PIN4: variants seen among roughly 807,000 people sequenced by gnomAD.
PIN4 encodes the protein peptidyl-prolyl cis-trans isomerase NIMA-interacting 4.
A neutral mutation model predicts 8.3 loss-of-function variants in PIN4; 3 were observed. The observed-to-expected ratio is 0.36, with a 90% CI of 0.16 to 0.93. PIN4 has a LOEUF of 0.93. Among genes scored for constraint, PIN4 ranks in the 40% least tolerant of loss-of-function variants. PIN4 has a pLI of 0.44. For missense variants in PIN4, 75 were observed against 100.6 expected (o/e 0.75, Z 1.09); for synonymous variants, 18 against 32.5 (o/e 0.55, Z 1.52).
At chrX:72,225,487 C>CA (rs2042948940) in intron 3 of PIN4, among the ~76,000 whole-genome samples, 1 of 112,144 alleles carries the variant, frequency 8.9e-6, no homozygotes. Context: ...TTAACCTCTC[C>CA]AAAAGTCTCA....
At chrX:72,226,334 T>C (rs1458791255) in intron 3 of PIN4, among the ~76,000 whole-genome samples, 1 of 112,161 alleles carries the variant, frequency 8.9e-6, no homozygotes, top group East Asian at 2.8e-4. Context: ...AGGGATATCA[T>C]GATGATACCC....
intron 3 of PIN4, chrX:72,239,167 G>A: frequency 2.7e-6 from 1 of 376,033 alleles, no homozygotes; most frequent in Non-Finnish European, 4.7e-6. Flanking sequence ...GGAAGCAGAA[G>A]GTGATCTCTG....
chrX:72,227,889 C>G (rs1288742354), intron 3 of PIN4, among the ~76,000 whole-genome samples: 3 of 112,740 alleles, frequency 2.7e-5, no homozygotes, highest in Admixed American at 9.4e-5. Context: ...ATAAAGAAAT[C>G]AATGTACTTT....
At chrX:72,187,321 C>T (rs1256256628) in intron 2 of PIN4, among the ~76,000 whole-genome samples, 1 of 111,650 alleles carries the variant, frequency 9.0e-6, no homozygotes, top group Non-Finnish European at 1.9e-5. Flanking sequence ...GGAGTATCTG[C>T]TGGGAGAAAA....
chrX:72,190,091 C>G (rs183790720), intron 2 of PIN4, among the ~76,000 whole-genome samples: 2 of 110,935 alleles, frequency 1.8e-5, no homozygotes, highest in Non-Finnish European at 3.8e-5. Context: ...TCACAGACCC[C>G]CAAGCCCTCA....
At chrX:72,220,094 T>C (rs1345768466) in intron 3 of PIN4, among the ~76,000 whole-genome samples, 2 of 110,727 alleles carry the variant, frequency 1.8e-5, no homozygotes, top group African/African-American at 3.3e-5. Flanking sequence ...TTTTGTCAAA[T>C]GTTTTTTTCT....
At chrX:72,241,431 A>T (rs1602457600) in intron 3 of PIN4, among the ~76,000 whole-genome samples, 1 of 112,048 alleles carries the variant, frequency 8.9e-6, no homozygotes, top group Non-Finnish European at 1.9e-5. Flanking sequence ...TCTTGGAAGC[A>T]GAGAGCAGCC....
In PIN4 at chrX:72,238,962, C is replaced by A. The variant is rs772617159; in HGVS notation, c.313-23745C>A. ...CCCGGCGGGAGTTTGGAGCTTGGAG[C>A]TTGGAGCTTGGAGCTTGGAGCTTAG... On this transcript the variant is annotated intron_variant, in intron 3 of 3. Transcript: ENST00000423432. 14 of 997,044 alleles carry A rather than the reference C, an allele frequency of 1.4e-5. No homozygotes were observed. In the Admixed American group the frequency reaches 3.1e-4, roughly 22 times the overall value. 82.2% of individuals were successfully genotyped at this position (997,044 alleles called of 1,213,427 possible).
At chrX:72,202,025 A>AAGTT (rs1436715352), downstream of PIN4, among the ~76,000 whole-genome samples, 1 of 112,867 alleles carries the variant, frequency 8.9e-6, no homozygotes, top group South Asian at 3.6e-4. Flanking sequence ...GGATGACGTG[A>AAGTT]AGTTACAAGT....
intron 3 of PIN4, among the ~76,000 whole-genome samples, chrX:72,229,720 C>T (rs2042972721): frequency 1.8e-5 from 2 of 111,631 alleles, no homozygotes; most frequent in Non-Finnish European, 3.8e-5. Context: ...CCCATCCCAC[C>T]CATCCAATAT....
At chrX:72,222,015 C>G (rs929783412) in intron 3 of PIN4, among the ~76,000 whole-genome samples, 1 of 109,697 alleles carries the variant, frequency 9.1e-6, no homozygotes, top group Non-Finnish European at 1.9e-5. Flanking sequence ...CCTTCCAAAC[C>G]CTCCACCCCA....
At chrX:72,206,481 A>T (rs773634562) in intron 3 of PIN4, 2 of 1,211,586 alleles carry the variant, frequency 1.7e-6, no homozygotes, top group Admixed American at 2.2e-5. Flanking sequence ...CTTCCTGAGT[A>T]TGATGAGTAC....
intron 3 of PIN4, among the ~76,000 whole-genome samples, chrX:72,257,879 C>T (rs909938595): frequency 1.8e-5 from 2 of 111,872 alleles, no homozygotes; most frequent in African/African-American, 6.5e-5. Flanking sequence ...AGTTCCACGG[C>T]TGGCACAGAC....
At chrX:72,235,875 C>T (rs1445528389) in intron 3 of PIN4, among the ~76,000 whole-genome samples, 4 of 111,604 alleles carry the variant, frequency 3.6e-5, no homozygotes, top group African/African-American at 9.8e-5. Context: ...GCTTACCATA[C>T]GAAGGCTATG....
chrX:72,218,711 T>C (rs1236615743), intron 3 of PIN4, among the ~76,000 whole-genome samples: 1 of 110,986 alleles, frequency 9.0e-6, no homozygotes, highest in Non-Finnish European at 1.9e-5. Flanking sequence ...GCCGGGCTGG[T>C]AGCTCATCAA....
intron 3 of PIN4, chrX:72,238,794 C>T: frequency 8.9e-7 from 1 of 1,122,603 alleles, no homozygotes; most frequent in Non-Finnish European, 1.2e-6. Flanking sequence ...ACCCCACCTC[C>T]ACCCTGGGCC....
chrX:72,253,771 C>CAA (rs773124326), intron 3 of PIN4, among the ~76,000 whole-genome samples: 1 of 95,733 alleles, frequency 1.0e-5, no homozygotes, highest in Admixed American at 1.2e-4. Context: ...ACCATCTCTA[C>CAA]AAAAAAAAAA....
intron 3 of PIN4, among the ~76,000 whole-genome samples, chrX:72,257,530 C>T (rs2147618779): frequency 9.0e-6 from 1 of 111,080 alleles, no homozygotes; most frequent in South Asian, 3.8e-4. Context: ...GAACTTAGAC[C>T]AGGGTGGCAG....
At chrX:72,199,096 T>A (rs1284916090), downstream of PIN4, 1 of 111,664 alleles carries the variant, frequency 9.0e-6, no homozygotes, top group African/African-American at 3.3e-5. Flanking sequence ...ATTGATTTTT[T>A]TTTAATGATT....
Sources: gnomAD v4.1 joint callset for allele counts (sites outside exome capture counted in the v4.1 genomes callset) on GRCh38, gnomAD v4.1.1 for gene constraint, MANE v1.5 for transcripts, NCBI Gene and HGNC (gene_info 2026-07-23, HGNC 2026-07-21) for gene names.